The following PCDHGB4 variants were observed in gnomAD, a reference collection of about 807,000 sequenced individuals.
PCDHGB4 encodes protocadherin gamma subfamily B, 4.
A neutral mutation model predicts 60.5 loss-of-function variants in PCDHGB4; 38 were observed. The observed-to-expected ratio is 0.63, with a 90% CI of 0.48 to 0.82. The LOEUF (loss-of-function observed/expected upper bound fraction) is 0.82, where lower values mean the gene tolerates loss of function less well. Ranked by LOEUF, PCDHGB4 falls within the 40% of genes least tolerant of loss-of-function variation. PCDHGB4 has a pLI of 0.00. For missense variants in PCDHGB4, 1,109 were observed against 1,209.6 expected (o/e 0.92, Z 1.23); for synonymous variants, 456 against 509.7 (o/e 0.89, Z 1.42).
At chr5:141,395,517 T>G in intron 1 of PCDHGB4, 2 of 415,414 alleles carry the variant, frequency 4.8e-6, no homozygotes, top group Non-Finnish European at 4.3e-6. Context: ...TAGCTACCCG[T>G]CCATACTGGT....
rs745778398 is a variant in PCDHGB4, at chr5:141,389,350, T to A, written c.1466T>A (p.Ile489Asn). The A allele has an allele frequency of 1.6e-5, 26 of 1,613,964 alleles. No individual in the cohort carries two copies. Among genetic ancestry groups the A allele is most frequent in the Non-Finnish European group, 2.2e-5 (26 of 1,179,910 alleles). ...LGPNGQVSYC[I>N]MASDLEQREL... Reference sequence around the variant, plus strand: ...CCCAACGGCCAAGTCTCTTACTGCATCATGGCCAGTGACCTGGAGCAGCGG... The same window carrying A: ...CCCAACGGCCAAGTCTCTTACTGCAACATGGCCAGTGACCTGGAGCAGCGG... Residue 489 changes from isoleucine (I) to asparagine (N), a missense_variant, in exon 1 of 4, where the codon ATC becomes AAC. Physicochemically the swap from Ile to Asn is moderately radical, Grantham distance 149. Coordinates refer to ENST00000519479, the MANE Select transcript of PCDHGB4 (RefSeq NM_003736.4).
At chr5:141,410,038 T>C (rs1364065272) in intron 1 of PCDHGB4, 2 of 1,613,086 alleles carry the variant, frequency 1.2e-6, no homozygotes, top group African/African-American at 1.3e-5. Flanking sequence ...TGCAGGCCAG[T>C]GAGCCCGGAC....
At chr5:141,446,718 C>T (rs1279970040) in intron 1 of PCDHGB4, among the ~76,000 whole-genome samples, 4 of 152,174 alleles carry the variant, frequency 2.6e-5, no homozygotes, top group South Asian at 2.1e-4. Flanking sequence ...CTGCCCGCCT[C>T]GGCCTCCCAA....
At chr5:141,449,537 C>A (rs1377909573) in intron 1 of PCDHGB4, among the ~76,000 whole-genome samples, 1 of 146,334 alleles carries the variant, frequency 6.8e-6, no homozygotes, top group Non-Finnish European at 1.5e-5. Flanking sequence ...TGCAGTGAGC[C>A]GAGATCGCAC....
chr5:141,419,361 T>C, intron 1 of PCDHGB4: 1 of 1,613,794 alleles, frequency 6.2e-7, no homozygotes, highest in Non-Finnish European at 8.5e-7. Context: ...TCACGAACGC[T>C]GTCGTCCTAC....
In PCDHGB4 at chr5:141,408,212, A is replaced by C. The variant is rs1360693546; in HGVS notation, c.2397+17931A>C. ...AGAACCCGAGCGAACGATGGGAGGGAGCTGCGCGCAGAGGCGCCGGGCCGG... is the reference window on the plus strand; with the variant it reads ...AGAACCCGAGCGAACGATGGGAGGGCGCTGCGCGCAGAGGCGCCGGGCCGG... On this transcript the variant is annotated intron_variant, in intron 1 of 3. Coordinates refer to ENST00000519479, the MANE Select transcript of PCDHGB4 (RefSeq NM_003736.4). 1.9e-6 allele frequency: 3 copies of C among 1,554,492 alleles called. No individual in the cohort carries two copies. In the Admixed American group the frequency reaches 5.9e-5, roughly 30 times the overall value.
chr5:141,480,730 G>A (rs1261461187), intron 1 of PCDHGB4, among the ~76,000 whole-genome samples: 1 of 152,168 alleles, frequency 6.6e-6, no homozygotes, highest in East Asian at 1.9e-4. Flanking sequence ...GTCTCTGGGG[G>A]TGGGACATAG....
At position 141,427,172 on chromosome 5, in the gene PCDHGB4, TG is replaced by T. The variant is rs757372749; in HGVS notation, c.2397+36895del. ...ATATGTTTGTGCTAGACCATCAAAA[TG>T]GGGAAATTAAATCCAAAGACTTAAT... On this transcript the variant is annotated intron_variant, in intron 1 of 3. Coordinates refer to ENST00000519479, the MANE Select transcript of PCDHGB4 (RefSeq NM_003736.4). The T allele has an allele frequency of 3.9e-5, 18 of 456,596 alleles. 1 individual carries two copies. The highest frequency in any genetic ancestry group is 2.6e-4 in the South Asian group (17 of 64,568). 28.3% of individuals were successfully genotyped at this position (456,596 alleles called of 1,614,324 possible). A position where few individuals can be genotyped will look rare whatever the true frequency, so the allele number is the denominator to read the frequency against.
rs776132438 is a variant in PCDHGB4 at position 141,432,197 on chromosome 5, G to A, written c.2397+41916G>A. The A allele has an allele frequency of 2.5e-6, 4 of 1,614,112 alleles. No individual in the cohort carries two copies. The South Asian group carries it at 3.3e-5, about 13-fold the overall frequency. The stretch of plus-strand genomic sequence containing the variant: ...CGTCTCTGTGACCGCCCACGACCCC[G>A]ACTGTGAAGAGAACGCCCAGATCAC... On this transcript the variant is annotated intron_variant, in intron 1 of 3. Coordinates refer to ENST00000519479, the MANE Select transcript of PCDHGB4 (RefSeq NM_003736.4). The surrounding 1 kb of genome is among the most constrained non-coding windows in gnomAD (Gnocchi z 6.0).
chr5:141,401,285 T>TGAGCC (rs2094137060), intron 1 of PCDHGB4, among the ~76,000 whole-genome samples: 1 of 151,918 alleles, frequency 6.6e-6, no homozygotes, highest in Non-Finnish European at 1.5e-5. Context: ...GAGGTTGCGG[T>TGAGCC]GAGCCGAGAT....
chr5:141,412,963 G>T, intron 1 of PCDHGB4: 1 of 518,228 alleles, frequency 1.9e-6, no homozygotes, highest in East Asian at 3.1e-5. Context: ...TCACCTACTA[G>T]GAGAGAAAAC....
At chr5:141,420,027 C>T in intron 1 of PCDHGB4, 3 of 1,614,082 alleles carry the variant, frequency 1.9e-6, no homozygotes, top group Non-Finnish European at 2.5e-6. Flanking sequence ...AGCCCTACTG[C>T]AGGAGACTGC....
chr5:141,430,766 C>T, intron 1 of PCDHGB4: 1 of 1,504,534 alleles, frequency 6.6e-7, no homozygotes, highest in Non-Finnish European at 8.9e-7. Context: ...AAGAATGATT[C>T]CTGCGCGACT....
At chr5:141,473,801 T>C (rs1593456345) in intron 1 of PCDHGB4, among the ~76,000 whole-genome samples, 1 of 152,226 alleles carries the variant, frequency 6.6e-6, no homozygotes, top group East Asian at 1.9e-4. Flanking sequence ...ATGATGCTAC[T>C]GAGGAGCAGC....
At chr5:141,492,778 G>A (rs2099743821) in intron 1 of PCDHGB4, among the ~76,000 whole-genome samples, 1 of 152,250 alleles carries the variant, frequency 6.6e-6, no homozygotes, top group South Asian at 2.1e-4. Context: ...GAGTGAGTGA[G>A]CCTCTATAGG....
Position 141,404,273 on chromosome 5 carries a change from C to A in PCDHGB4, c.2397+13992C>A, listed in dbSNP as rs751189949. 4.3e-6 allele frequency: 7 copies of A among 1,613,988 alleles called. No homozygotes were observed. The highest frequency in any genetic ancestry group is 5.9e-6 in the Non-Finnish European group (7 of 1,179,880). On this transcript the variant is annotated intron_variant, in intron 1 of 3. Coordinates refer to ENST00000519479, the MANE Select transcript of PCDHGB4 (RefSeq NM_003736.4). ...GTCCACAGAAATTCACATCACCCTG[C>A]AAGTGACTGACATCAATGATAATCC...
chr5:141,397,919 C>T (rs1158998805), intron 1 of PCDHGB4: 12 of 723,342 alleles, frequency 1.7e-5, no homozygotes, highest in Non-Finnish European at 2.2e-5. Context: ...TCCAGATCTC[C>T]TCGCGCAGCC....
intron 1 of PCDHGB4, chr5:141,409,728 C>G (rs13184503): frequency 6.2e-7 from 1 of 1,613,134 alleles, no homozygotes; most frequent in Admixed American, 1.7e-5. Flanking sequence ...TCAGTGAGCG[C>G]GCAGAGCGGG....
At chr5:141,410,147 G>T in intron 1 of PCDHGB4, 1 of 1,612,952 alleles carries the variant, frequency 6.2e-7, no homozygotes, top group Non-Finnish European at 8.5e-7. Flanking sequence ...TGTGCGTGAC[G>T]GTGGACAGCC....
Sources: gnomAD v4.1 joint callset for allele counts (sites outside exome capture counted in the v4.1 genomes callset) on GRCh38, gnomAD v4.1.1 for gene constraint, Gnocchi (gnomAD v3.1) non-coding constraint, MANE v1.5 for transcripts, NCBI Gene and HGNC (gene_info 2026-07-23, HGNC 2026-07-21) for gene names.